Variants in ACTR3C observed in about 807,000 individuals in gnomAD.
The protein encoded by ACTR3C is actin-related protein 3C.
In ACTR3C, 18 loss-of-function variants were observed where a neutral mutation model predicts 26.3. That is an observed-to-expected ratio of 0.68 (90% CI 0.47 to 1.01). ACTR3C has a LOEUF of 1.01. ACTR3C is among the 50% of genes least tolerant of loss of function. The pLI is 0.00. For missense variants in ACTR3C, 184 were observed against 250.7 expected, an observed-to-expected ratio of 0.73 and a Z score of 1.80; for synonymous variants, 55 against 94.5, an observed-to-expected ratio of 0.58 and a Z score of 2.42.
the ACTR3C span, among the ~76,000 whole-genome samples, chr7:150,050,878 G>T: frequency 6.6e-6 from 1 of 150,974 alleles, no homozygotes. Context: ...AGGCAGAAGC[G>T]GGTGGATCAC....
chr7:150,295,346 G>C lies in ACTR3C; in HGVS notation c.-50C>G, dbSNP rs377560221. 70 of 1,612,578 alleles carry C rather than the reference G, an allele frequency of 4.3e-5. No individual in the cohort carries two copies. The African/African-American group carries it at 6.4e-4, about 15-fold the overall frequency. On this transcript the variant is annotated splice_region_variant and 5_prime_UTR_variant, in exon 2 of 8. Transcript: ENST00000683684. ...TTCTGGTGTATTGAGTGGAGGTTCT[G>C]TCTGTAAGAAAACATTCACTATATT... is the stretch of plus-strand genomic sequence containing the variant.
chr7:149,979,466 TAGG>T, the ACTR3C span, among the ~76,000 whole-genome samples: 1 of 152,074 alleles, frequency 6.6e-6, no homozygotes, highest in Non-Finnish European at 1.5e-5. Context: ...CAATATAAAA[TAGG>T]AGAAGAACAA....
the ACTR3C span, among the ~76,000 whole-genome samples, chr7:150,035,219 T>TC: frequency 4.3e-4 from 41 of 95,696 alleles, no homozygotes; most frequent in Middle Eastern, 6.6e-3. Flanking sequence ...GCCTCCCACC[T>TC]CTGCCATGGG....
chr7:149,973,751 A>G, the ACTR3C span, among the ~76,000 whole-genome samples: 1,970 of 151,874 alleles, frequency 0.013, 52 homozygotes, highest in African/African-American at 0.046. Flanking sequence ...AATAACCCCA[A>G]CGTGTCTTGC....
At chr7:149,939,762 T>C in the ACTR3C span, among the ~76,000 whole-genome samples, 9 of 144,782 alleles carry the variant, frequency 6.2e-5, no homozygotes, top group East Asian at 1.4e-3. Context: ...TACAAAAACC[T>C]GTGTGCCCTT....
chr7:150,177,679 A>C, the ACTR3C span, among the ~76,000 whole-genome samples: 1 of 150,988 alleles, frequency 6.6e-6, no homozygotes. Context: ...GTAGTCTAGC[A>C]TCCAGCTGTG....
the ACTR3C span, among the ~76,000 whole-genome samples, chr7:150,042,581 G>C: frequency 1.4e-5 from 2 of 147,122 alleles, no homozygotes; most frequent in East Asian, 3.9e-4. Context: ...CCTCGCGGGG[G>C]GTGCCTCCCC....
the ACTR3C span, among the ~76,000 whole-genome samples, chr7:150,156,456 G>A: frequency 1.3e-5 from 2 of 152,062 alleles, no homozygotes; most frequent in African/African-American, 4.8e-5. Context: ...AAATAAAAAT[G>A]AAAGTTGATT....
intron 1 of ACTR3C, among the ~76,000 whole-genome samples, chr7:150,298,110 A>G (rs1795089712): frequency 7.3e-5 from 11 of 151,090 alleles, no homozygotes; most frequent in Admixed American, 7.2e-4. Flanking sequence ...AATCAAAAGC[A>G]GGTGGTGGAG....
the ACTR3C span, among the ~76,000 whole-genome samples, chr7:149,917,180 A>G: frequency 6.6e-6 from 1 of 151,030 alleles, no homozygotes; most frequent in African/African-American, 2.4e-5. Context: ...GGTTCAAGCG[A>G]TTCTCCTGCC....
chr7:149,898,991 C>A, the ACTR3C span, among the ~76,000 whole-genome samples: 1 of 152,072 alleles, frequency 6.6e-6, no homozygotes, highest in South Asian at 2.1e-4. Flanking sequence ...ACTTCCACCC[C>A]GGCCCAGCAG....
At chr7:150,205,599 A>G in the ACTR3C span, among the ~76,000 whole-genome samples, 1 of 152,168 alleles carries the variant, frequency 6.6e-6, no homozygotes, top group African/African-American at 2.4e-5. Context: ...AAGATACAAT[A>G]CAGTAACACT....
intron 6 of ACTR3C, among the ~76,000 whole-genome samples, chr7:150,257,019 C>G (rs557700317): frequency 4.6e-5 from 7 of 152,164 alleles, no homozygotes; most frequent in African/African-American, 1.7e-4. Context: ...ATATGATTGT[C>G]CCTGAATATT....
chr7:150,076,059 C>CCA, the ACTR3C span, among the ~76,000 whole-genome samples: 4 of 152,060 alleles, frequency 2.6e-5, no homozygotes, highest in African/African-American at 9.7e-5. Flanking sequence ...TGAAAGGAAT[C>CCA]CACACATGGA....
At chr7:150,080,408 TTA>T in the ACTR3C span, among the ~76,000 whole-genome samples, 1 of 151,434 alleles carries the variant, frequency 6.6e-6, no homozygotes, top group African/African-American at 2.4e-5. Flanking sequence ...TATCACGCTT[TTA>T]TCTAGAGGAA....
At chr7:150,054,696 T>C in the ACTR3C span, among the ~76,000 whole-genome samples, 39 of 152,322 alleles carry the variant, frequency 2.6e-4, no homozygotes, top group Non-Finnish European at 5.1e-4. Flanking sequence ...CTGAGGATAA[T>C]TGGTTAAACA....
chr7:149,932,943 G>A, the ACTR3C span, among the ~76,000 whole-genome samples: 18 of 151,252 alleles, frequency 1.2e-4, no homozygotes, highest in Admixed American at 1.3e-4. Flanking sequence ...ACCAGGCATC[G>A]AGTGGAGGAA....
intron 6 of ACTR3C, among the ~76,000 whole-genome samples, chr7:150,271,470 A>G (rs1253347394): frequency 2.6e-5 from 4 of 151,112 alleles, no homozygotes; most frequent in Non-Finnish European, 2.9e-5. Context: ...TTTGCTGAGA[A>G]TGATGGTTTC....
chr7:150,041,787 C>G, the ACTR3C span, among the ~76,000 whole-genome samples: 2 of 123,072 alleles, frequency 1.6e-5, no homozygotes, highest in African/African-American at 6.4e-5. Flanking sequence ...GTCCCTGCCT[C>G]GCGGGGGGTG....
Sources: gnomAD v4.1 joint callset for allele counts (sites outside exome capture counted in the v4.1 genomes callset) on GRCh38, gnomAD v4.1.1 for gene constraint, MANE v1.5 for transcripts, NCBI Gene and HGNC (gene_info 2026-07-23, HGNC 2026-07-21) for gene names.